The following GAB2 variants were observed in gnomAD, a reference collection of about 807,000 sequenced individuals.
GAB2 encodes GRB2-associated-binding protein 2.
In GAB2, 26 loss-of-function variants were observed where a neutral mutation model predicts 65.5. The ratio of observed to expected loss-of-function variants is 0.40; its 90% CI spans 0.29 to 0.55. GAB2 has a LOEUF of 0.55. Among genes scored for constraint, GAB2 ranks in the 20% least tolerant of loss-of-function variants. GAB2 has a pLI of 0.53. For missense variants in GAB2, 884 were observed against 875.8 expected (o/e 1.01, Z -0.12); for synonymous variants, 321 against 329.6 (o/e 0.97, Z 0.28).
chr11:78,235,243 C>T (rs1231659701), intron 3 of GAB2, among the ~76,000 whole-genome samples: 1 of 151,924 alleles, frequency 6.6e-6, no homozygotes, highest in Admixed American at 6.6e-5. Flanking sequence ...AGCTCCGCCT[C>T]CCGGGTTCAC....
In GAB2 at chr11:78,321,516, G is replaced by C. The variant is rs991228220; in HGVS notation, c.76-40615C>G. Among the ~76,000 whole-genome samples the C allele has an allele frequency of 2.6e-5, 4 of 152,316 alleles. 1 individual carries two copies. In the South Asian group the frequency reaches 8.3e-4, roughly 32 times the overall value. On this transcript the variant is annotated intron_variant, in intron 1 of 9. Coordinates refer to ENST00000361507, the MANE Select transcript of GAB2 (RefSeq NM_080491.3). ...CAGCGTGGAGTGCAGTATGTGTTCA[G>C]TAAGCGGAGAAATGGTTCCTGTAAT... is the stretch of plus-strand genomic sequence containing the variant.
At chr11:78,376,380 T>C (rs1467464683) in intron 1 of GAB2, among the ~76,000 whole-genome samples, 1 of 152,242 alleles carries the variant, frequency 6.6e-6, no homozygotes, top group Non-Finnish European at 1.5e-5. Context: ...AAGCACTTTA[T>C]GTATTAACTC....
intron 2 of GAB2, among the ~76,000 whole-genome samples, chr11:78,257,579 G>C (rs1865626146): frequency 6.6e-6 from 1 of 152,176 alleles, no homozygotes; most frequent in Admixed American, 6.5e-5. Flanking sequence ...AGTACACATG[G>C]AGCTGGTTGA....
intron 1 of GAB2, among the ~76,000 whole-genome samples, chr11:78,283,279 G>C (rs1231110938): frequency 6.6e-6 from 1 of 152,138 alleles, no homozygotes; most frequent in African/African-American, 2.4e-5. Flanking sequence ...TCTGTTACTA[G>C]GGAGCATAGA....
chr11:78,258,341 A>G (rs1865648002), intron 2 of GAB2, among the ~76,000 whole-genome samples: 1 of 152,202 alleles, frequency 6.6e-6, no homozygotes, highest in African/African-American at 2.4e-5. Flanking sequence ...CAAATGAAAG[A>G]GCAAATATTT....
At position 78,337,544 on chromosome 11, in the gene GAB2, G is replaced by C. The variant is rs1337915509; in HGVS notation, c.76-56643C>G. ...CGTTCTCTTAGAGGCAGGGAAAAGA[G>C]AAAGAAGGTGGAAGTTGGAGAAAGA... On this transcript the variant is annotated intron_variant, in intron 1 of 9. Coordinates refer to ENST00000361507, the MANE Select transcript of GAB2 (RefSeq NM_080491.3). Among the ~76,000 whole-genome samples, 3 of 152,202 alleles carry C rather than the reference G, an allele frequency of 2.0e-5. No homozygotes were observed. The South Asian group carries it at 6.2e-4, about 31-fold the overall frequency.
chr11:78,240,484 C>T (rs1169838557), intron 3 of GAB2, among the ~76,000 whole-genome samples: 10 of 151,482 alleles, frequency 6.6e-5, no homozygotes, highest in Non-Finnish European at 1.3e-4. Context: ...CACTAGCCCC[C>T]TAGAGTCTGA....
intron 1 of GAB2, among the ~76,000 whole-genome samples, chr11:78,380,263 A>T (rs1358133647): frequency 6.6e-6 from 1 of 151,326 alleles, no homozygotes. Context: ...GCTGAAATGC[A>T]GTGGTGTGAT....
chr11:78,326,908 A>G (rs1470862334), intron 1 of GAB2, among the ~76,000 whole-genome samples: 3 of 152,244 alleles, frequency 2.0e-5, no homozygotes, highest in East Asian at 1.9e-4. Flanking sequence ...AGGTAAGAAG[A>G]AGGCCTAGAA....
chr11:78,399,877 AAAG>A, intron 1 of GAB2, among the ~76,000 whole-genome samples: 1 of 152,228 alleles, frequency 6.6e-6, no homozygotes, highest in Non-Finnish European at 1.5e-5. Context: ...TTTTACAGAC[AAAG>A]AAGTGGCCTC....
chr11:78,287,749 A>G (rs536552242), intron 1 of GAB2, among the ~76,000 whole-genome samples: 35 of 151,802 alleles, frequency 2.3e-4, no homozygotes, highest in African/African-American at 8.5e-4. Flanking sequence ...CCTGGGTTCA[A>G]GTGATTCTTG....
chr11:78,283,827 C>T (rs1039315992), intron 1 of GAB2, among the ~76,000 whole-genome samples: 3 of 152,168 alleles, frequency 2.0e-5, no homozygotes, highest in Non-Finnish European at 4.4e-5. Flanking sequence ...GTGCTGGCTC[C>T]TCTTCACCTC....
chr11:78,362,081 T>TAA, intron 1 of GAB2, among the ~76,000 whole-genome samples: 3 of 140,320 alleles, frequency 2.1e-5, no homozygotes, highest in Middle Eastern at 7.3e-3. Context: ...TATTATGAAG[T>TAA]AAAAAAAAAA....
intron 3 of GAB2, among the ~76,000 whole-genome samples, chr11:78,244,053 T>A (rs1249265596): frequency 6.6e-6 from 1 of 151,856 alleles, no homozygotes; most frequent in Non-Finnish European, 1.5e-5. Flanking sequence ...AGGGCCCAGC[T>A]AAGACCTCAG....
At chr11:78,316,010 A>AGGATTCT (rs1855595561) in intron 1 of GAB2, among the ~76,000 whole-genome samples, 1 of 152,124 alleles carries the variant, frequency 6.6e-6, no homozygotes, top group East Asian at 1.9e-4. Context: ...TTGCTTGCTG[A>AGGATTCT]GGCTTCTGGC....
chr11:78,331,222 A>G (rs1425473888), intron 1 of GAB2, among the ~76,000 whole-genome samples: 1 of 151,040 alleles, frequency 6.6e-6, no homozygotes, highest in Admixed American at 6.6e-5. Flanking sequence ...CCAGCACTCC[A>G]ACTCTTTTGA....
chr11:78,374,753 AAGAC>A (rs1856612040), intron 1 of GAB2, among the ~76,000 whole-genome samples: 1 of 152,296 alleles, frequency 6.6e-6, no homozygotes, highest in South Asian at 2.1e-4. Context: ...AGAAATGTAA[AAGAC>A]AGACCCATTA....
At chr11:78,343,204 AG>A (rs1856126703) in intron 1 of GAB2, among the ~76,000 whole-genome samples, 1 of 152,214 alleles carries the variant, frequency 6.6e-6, no homozygotes, top group African/African-American at 2.4e-5. Context: ...GAAAATATCT[AG>A]AGATGTAGAC....
At chr11:78,376,383 A>G (rs527405575) in intron 1 of GAB2, among the ~76,000 whole-genome samples, 82 of 152,366 alleles carry the variant, frequency 5.4e-4, no homozygotes, top group African/African-American at 1.9e-3. Context: ...CACTTTATGT[A>G]TTAACTCACT....
Sources: gnomAD v4.1 joint callset for allele counts (sites outside exome capture counted in the v4.1 genomes callset) on GRCh38, gnomAD v4.1.1 for gene constraint, MANE v1.5 for transcripts, NCBI Gene and HGNC (gene_info 2026-07-23, HGNC 2026-07-21) for gene names.